The following CCDC170 variants were observed in gnomAD, a reference collection of about 807,000 sequenced individuals.
CCDC170 encodes the protein coiled-coil domain-containing protein 170.
A neutral mutation model predicts 72.6 loss-of-function variants in CCDC170; 69 were observed. The observed-to-expected ratio is 0.95, with a 90% CI of 0.78 to 1.16. The LOEUF is 1.16. Ranked by LOEUF, CCDC170 falls within the 50% of genes most tolerant of loss-of-function variation. CCDC170 has a pLI of 0.00. For missense variants in CCDC170, 852 were observed against 832.5 expected (o/e 1.02, Z -0.29); for synonymous variants, 300 against 303.9 (o/e 0.99, Z 0.13).
intron 1 of CCDC170, among the ~76,000 whole-genome samples, chr6:151,527,346 A>G (rs1782426949): frequency 6.6e-6 from 1 of 152,184 alleles, no homozygotes; most frequent in Admixed American, 6.5e-5. Flanking sequence ...ATGCTAAGGT[A>G]TAGATGCTCA....
At chr6:151,520,218 C>A (rs890591366) in intron 1 of CCDC170, among the ~76,000 whole-genome samples, 2 of 152,222 alleles carry the variant, frequency 1.3e-5, no homozygotes, top group African/African-American at 4.8e-5. Context: ...AAACACACAG[C>A]TTATTCCTTC....
chr6:151,598,268 G>A (rs1178711366), intron 9 of CCDC170, among the ~76,000 whole-genome samples: 2 of 152,198 alleles, frequency 1.3e-5, no homozygotes, highest in African/African-American at 4.8e-5. Flanking sequence ...AATAGCATCA[G>A]CTGCTCTAAT....
At chr6:151,598,123 T>C (rs1042719269) in intron 9 of CCDC170, among the ~76,000 whole-genome samples, 9 of 152,208 alleles carry the variant, frequency 5.9e-5, no homozygotes, top group Admixed American at 5.9e-4. Flanking sequence ...CACATCTGAA[T>C]ACAAGGAAGG....
chr6:151,564,318 G>A (rs1045661631), intron 5 of CCDC170, among the ~76,000 whole-genome samples: 8 of 152,298 alleles, frequency 5.3e-5, no homozygotes, highest in Admixed American at 2.0e-4. Context: ...TTAGGGTGTG[G>A]TTGTTGGTGG....
intron 5 of CCDC170, among the ~76,000 whole-genome samples, chr6:151,555,822 C>G (rs939550001): frequency 1.7e-4 from 26 of 152,214 alleles, no homozygotes; most frequent in African/African-American, 5.8e-4. Context: ...GGCTAAACAG[C>G]CTTAGATCTT....
intron 6 of CCDC170, among the ~76,000 whole-genome samples, chr6:151,573,856 A>G (rs1562286894): frequency 6.6e-6 from 1 of 152,240 alleles, no homozygotes; most frequent in Non-Finnish European, 1.5e-5. Context: ...GGTCCCTCCC[A>G]CGACACGTGG....
intron 1 of CCDC170, among the ~76,000 whole-genome samples, chr6:151,535,444 T>C (rs1583014440): frequency 2.0e-5 from 3 of 152,294 alleles, no homozygotes. Flanking sequence ...GATTATGAGA[T>C]TGAGAATATG....
At position 151,539,427 on chromosome 6, in the gene CCDC170, T is replaced by A. The variant is rs535859702; in HGVS notation, c.443+1126T>A. On this transcript the variant is annotated intron_variant, in intron 3 of 10. Transcript: ENST00000239374. ...CAGTAGCATCAGTTACAGTTGATCT[T>A]TTTCTTTGAACCGTTTTCTTCTTCT... Among the ~76,000 whole-genome samples the A allele has an allele frequency of 4.6e-4, 70 of 152,300 alleles. No homozygotes were observed. In the South Asian group the frequency reaches 0.014, roughly 31 times the overall value.
intron 6 of CCDC170, among the ~76,000 whole-genome samples, chr6:151,582,153 A>ATG (rs1230777139): frequency 5.3e-5 from 8 of 152,332 alleles, no homozygotes; most frequent in African/African-American, 1.9e-4. Context: ...CTCTTTAGCT[A>ATG]TGAAAGTCCT....
chr6:151,612,650 C>T (rs1259637362), intron 9 of CCDC170, among the ~76,000 whole-genome samples: 1 of 152,118 alleles, frequency 6.6e-6, no homozygotes, highest in East Asian at 1.9e-4. Context: ...GCCTCCCTGG[C>T]TTGCTTCCTT....
In CCDC170 at chr6:151,504,553, G is replaced by T. The variant is rs535138558; in HGVS notation, c.57+10368G>T. Among the ~76,000 whole-genome samples the T allele has an allele frequency of 4.6e-5, 7 of 151,942 alleles. 1 individual carries two copies. In the South Asian group the frequency reaches 1.5e-3, roughly 32 times the overall value. On this transcript the variant is annotated intron_variant, in intron 1 of 10. Coordinates refer to ENST00000239374, the MANE Select transcript of CCDC170 (RefSeq NM_025059.4). The stretch of plus-strand genomic sequence containing the variant: ...GCAAGCATCACTAGAGTAAATATAT[G>T]GTCTCAGAGAAGGACCTAGAGGGAC...
In CCDC170 at chr6:151,618,061, C is replaced by A; in HGVS notation, c.2062C>A (p.His688Asn). 1 of 1,614,144 alleles carries A rather than the reference C, an allele frequency of 6.2e-7. No individual in the cohort carries two copies. The highest frequency in any genetic ancestry group is 8.5e-7 in the Non-Finnish European group (1 of 1,180,020). Residue 688 changes from histidine to asparagine, a missense_variant, in exon 11 of 11, where the codon CAT becomes AAT. Transcript: ENST00000239374. ...TGAAAGATTGGTCCATTCACATCAG[C>A]ATCACTTTGTTACCTGTGCCTGCCT... ...CLERLVHSHQ[H>N]HFVTCACLKD...
Position 151,548,509 on chromosome 6 carries a change from C to A in CCDC170, c.774+20C>A. ...AACCAGGTATGATATGTGAAGTATA[C>A]GTGTGCATCTGGGACCATGTTGAAG... On this transcript the variant is annotated intron_variant, in intron 5 of 10. Transcript: ENST00000239374. 2 of 1,507,332 alleles carry A rather than the reference C, an allele frequency of 1.3e-6. No individual in the cohort carries two copies. The highest frequency in any genetic ancestry group is 1.4e-5 in the African/African-American group (1 of 71,906). 93.4% of individuals were successfully genotyped at this position (1,507,332 alleles called of 1,614,324 possible). A position where few individuals can be genotyped will look rare whatever the true frequency, so the allele number is the denominator to read the frequency against.
At chr6:151,583,352 T>C (rs546067806) in intron 6 of CCDC170, among the ~76,000 whole-genome samples, 2 of 152,286 alleles carry the variant, frequency 1.3e-5, no homozygotes, top group Admixed American at 6.5e-5. Flanking sequence ...GCTTGGCTAA[T>C]TGGAGTAAGA....
intron 1 of CCDC170, among the ~76,000 whole-genome samples, chr6:151,531,185 G>A (rs1308568642): frequency 1.6e-4 from 24 of 152,168 alleles, no homozygotes; most frequent in Admixed American, 1.6e-3. Flanking sequence ...GGACCTTTGG[G>A]AGAAGATGAT....
intron 7 of CCDC170, among the ~76,000 whole-genome samples, chr6:151,587,110 G>A (rs542089607): frequency 1.9e-4 from 29 of 152,142 alleles, no homozygotes; most frequent in African/African-American, 6.5e-4. Flanking sequence ...GAAAGATAGC[G>A]TGATGTCCCC....
At chr6:151,559,771 G>C (rs919451350) in intron 5 of CCDC170, among the ~76,000 whole-genome samples, 7 of 152,134 alleles carry the variant, frequency 4.6e-5, no homozygotes, top group Non-Finnish European at 1.0e-4. Context: ...AGGATCTTTT[G>C]TATTTCTGTG....
intron 1 of CCDC170, among the ~76,000 whole-genome samples, chr6:151,522,569 T>G (rs1782337996): frequency 6.6e-6 from 1 of 152,126 alleles, no homozygotes. Context: ...TAGTTTAGCC[T>G]GTGCAGTCTA....
Position 151,544,500 on chromosome 6 carries a change from A to G in CCDC170, c.444-72A>G, listed in dbSNP as rs533036377. The G allele has an allele frequency of 1.1e-5, 16 of 1,420,748 alleles. No homozygotes were observed. The South Asian group carries it at 1.9e-4, about 17-fold the overall frequency. 88.0% of individuals were successfully genotyped at this position (1,420,748 alleles called of 1,614,324 possible). On this transcript the variant is annotated intron_variant, in intron 3 of 10. Transcript: ENST00000239374. ...CAATTATTTCCCCCATAGAGCTTAT[A>G]TTCTGACTTGGTTTGATGAATGTTA... is the stretch of plus-strand genomic sequence containing the variant.
Sources: gnomAD v4.1 joint callset for allele counts (sites outside exome capture counted in the v4.1 genomes callset) on GRCh38, gnomAD v4.1.1 for gene constraint, MANE v1.5 for transcripts, NCBI Gene and HGNC (gene_info 2026-07-23, HGNC 2026-07-21) for gene names.